Variants in LCA5 observed in about 807,000 individuals in gnomAD.
The protein encoded by LCA5 is lebercilin LCA5.
LCA5 carries 37 observed loss-of-function variants against 53.0 expected under a neutral mutation model. That is an observed-to-expected ratio of 0.70 (90% CI 0.54 to 0.92). The LOEUF is 0.92. Among genes scored for constraint, LCA5 ranks in the 40% least tolerant of loss-of-function variants. The pLI is 0.00. For synonymous variants in LCA5, 303 were observed against 282.9 expected (o/e 1.07, Z -0.71); for missense variants, 806 against 790.5 (o/e 1.02, Z -0.23).
intron 2 of LCA5, among the ~76,000 whole-genome samples, chr6:79,514,900 A>T (rs1766383171): frequency 6.6e-6 from 1 of 152,116 alleles, no homozygotes; most frequent in African/African-American, 2.4e-5. Context: ...CAGGAAAAAT[A>T]CCTAATGGAT....
chr6:79,529,530 TC>T (rs1286852114), intron 1 of LCA5, among the ~76,000 whole-genome samples: 1 of 152,014 alleles, frequency 6.6e-6, no homozygotes, highest in Non-Finnish European at 1.5e-5. Flanking sequence ...GATGGGGTAA[TC>T]CATCAGCCTT....
intron 4 of LCA5, among the ~76,000 whole-genome samples, chr6:79,493,028 A>T (rs995062363): frequency 2.0e-5 from 3 of 152,070 alleles, no homozygotes; most frequent in African/African-American, 7.2e-5. Flanking sequence ...ACACAGGCAT[A>T]CTTGACCATT....
Position 79,516,920 on chromosome 6 carries a change from G to A in LCA5, c.190+1785C>T, listed in dbSNP as rs139189897. ...GGAATAATATATAATAAATGAACAT[G>A]TATAACCAAAACTTATTAAATTTTA... On this transcript the variant is annotated intron_variant, in intron 2 of 7. Coordinates refer to ENST00000369846, the MANE Select transcript of LCA5 (RefSeq NM_001122769.3). 7.1e-3 allele frequency among the ~76,000 whole-genome samples: 1,078 copies of A among 151,898 alleles called. 14 individuals carry two copies. Among genetic ancestry groups the A allele is most frequent in the African/African-American group, 0.024 (1,000 of 41,438 alleles).
chr6:79,515,594 T>C (rs1766403693), intron 2 of LCA5, among the ~76,000 whole-genome samples: 1 of 152,072 alleles, frequency 6.6e-6, no homozygotes, highest in Non-Finnish European at 1.5e-5. Context: ...ATCTTTAATC[T>C]ACATGGTAAC....
chr6:79,508,161 T>C (rs75780294), intron 3 of LCA5, among the ~76,000 whole-genome samples: 2,816 of 152,210 alleles, frequency 0.019, 83 homozygotes, highest in African/African-American at 0.065. Flanking sequence ...TTTAATCCCA[T>C]CAAGTATTTC....
intron 3 of LCA5, among the ~76,000 whole-genome samples, chr6:79,505,328 T>G (rs1770246549): frequency 6.6e-6 from 1 of 152,172 alleles, no homozygotes; most frequent in African/African-American, 2.4e-5. Context: ...AATCTTTGAT[T>G]ATACAATAAA....
chr6:79,515,543 C>A (rs1022771763), intron 2 of LCA5, among the ~76,000 whole-genome samples: 9 of 151,952 alleles, frequency 5.9e-5, no homozygotes, highest in Non-Finnish European at 1.0e-4. Context: ...AGAGCACCGG[C>A]CCTTTAAAAG....
chr6:79,500,031 AT>A (rs1404093509), intron 3 of LCA5, among the ~76,000 whole-genome samples: 1 of 151,464 alleles, frequency 6.6e-6, no homozygotes, highest in African/African-American at 2.4e-5. Flanking sequence ...TGAACTCATC[AT>A]TTTTTATGGC....
At chr6:79,488,795 T>C in intron 7 of LCA5, 1 of 519,784 alleles carries the variant, frequency 1.9e-6, no homozygotes, top group South Asian at 3.4e-5. Flanking sequence ...ATAGTAACTT[T>C]AGTAAGTGGC....
chr6:79,491,560 T>C (rs1769842838), intron 6 of LCA5, 28 bp downstream of exon 6: 2 of 1,611,210 alleles, frequency 1.2e-6, no homozygotes, highest in Admixed American at 1.7e-5. Flanking sequence ...AGACCGAGTT[T>C]GGTACATAAC....
upstream of LCA5, among the ~76,000 whole-genome samples, chr6:79,538,028 T>G (rs202077333): frequency 1.3e-4 from 12 of 93,728 alleles, no homozygotes; most frequent in East Asian, 2.7e-3. Flanking sequence ...GTTTTTTTTT[T>G]TTTTTTTTTT....
chr6:79,506,072 C>A (rs1191760363), intron 3 of LCA5, among the ~76,000 whole-genome samples: 1 of 152,116 alleles, frequency 6.6e-6, no homozygotes, highest in Admixed American at 6.6e-5. Flanking sequence ...GAATACCAAT[C>A]TCTTATAGTA....
At chr6:79,488,511 A>G (rs1769739037) in intron 7 of LCA5, 1 of 154,500 alleles carries the variant, frequency 6.5e-6, no homozygotes, top group Non-Finnish European at 1.4e-5. Context: ...TCTATCAAGA[A>G]CAATATTGTA....
At chr6:79,520,434 T>C (rs1766593031) in intron 1 of LCA5, among the ~76,000 whole-genome samples, 2 of 152,100 alleles carry the variant, frequency 1.3e-5, no homozygotes, top group African/African-American at 4.8e-5. Flanking sequence ...AAGCAAGGAA[T>C]ACAAGAACAC....
chr6:79,490,160 G>A (rs1366352946), intron 6 of LCA5, among the ~76,000 whole-genome samples: 4 of 152,056 alleles, frequency 2.6e-5, no homozygotes, highest in African/African-American at 7.2e-5. Context: ...TATCTCACTT[G>A]AGCCACTCTA....
chr6:79,525,152 T>C (rs1206463777), intron 1 of LCA5: 1 of 152,226 alleles, frequency 6.6e-6, no homozygotes. Flanking sequence ...TCTCTTCTGA[T>C]CCAAGAATTA....
At chr6:79,534,992 C>T (rs1427259687) in intron 1 of LCA5, among the ~76,000 whole-genome samples, 1 of 152,124 alleles carries the variant, frequency 6.6e-6, no homozygotes, top group African/African-American at 2.4e-5. Flanking sequence ...GTACATAAAA[C>T]AGACCATAAA....
chr6:79,519,792 T>C (rs1018862688), intron 1 of LCA5, among the ~76,000 whole-genome samples: 1 of 151,474 alleles, frequency 6.6e-6, no homozygotes, highest in Non-Finnish European at 1.5e-5. Flanking sequence ...CTAAAGTACA[T>C]TTTTTAAAAA....
At chr6:79,501,534 T>G (rs1349039384) in intron 3 of LCA5, among the ~76,000 whole-genome samples, 3 of 151,950 alleles carry the variant, frequency 2.0e-5, no homozygotes, top group Non-Finnish European at 4.4e-5. Flanking sequence ...CTGATCCAAT[T>G]GTAAAGCTTT....
Sources: allele counts gnomAD v4.1 joint callset (sites outside exome capture counted in the v4.1 genomes callset), GRCh38; gene constraint gnomAD v4.1.1; transcripts MANE v1.5; gene names NCBI Gene and HGNC (gene_info 2026-07-23, HGNC 2026-07-21).